The following GRIK2 variants were observed in gnomAD, a reference collection of about 807,000 sequenced individuals.
GRIK2 encodes glutamate receptor ionotropic, kainate 2.
GRIK2 carries 32 observed loss-of-function variants against 100.3 expected under a neutral mutation model. That is an observed-to-expected ratio of 0.32 (90% confidence interval 0.24 to 0.43). The LOEUF is 0.43. Ranked by LOEUF, GRIK2 falls within the 20% of genes least tolerant of loss-of-function variation. The pLI, the probability that GRIK2 is intolerant of heterozygous loss-of-function variation, is 1.00. For missense variants in GRIK2, 843 were observed against 1,114.9 expected, an observed-to-expected ratio of 0.76 and a Z score of 3.47; for synonymous variants, 417 against 389.4, an observed-to-expected ratio of 1.07 and a Z score of -0.83.
chr6:101,514,346 GA>G (rs1382121741), intron 2 of GRIK2, among the ~76,000 whole-genome samples: 1 of 152,088 alleles, frequency 6.6e-6, no homozygotes, highest in Non-Finnish European at 1.5e-5. Context: ...GACACACATG[GA>G]GTGGTTTTAA....
At chr6:102,004,925 A>G (rs991358046) in intron 14 of GRIK2, among the ~76,000 whole-genome samples, 1 of 151,528 alleles carries the variant, frequency 6.6e-6, no homozygotes, top group African/African-American at 2.4e-5. Context: ...TTTCCAGGAA[A>G]TTATTAAGAT....
intron 3 of GRIK2, among the ~76,000 whole-genome samples, chr6:101,623,314 A>G (rs1780257130): frequency 6.6e-6 from 1 of 152,112 alleles, no homozygotes; most frequent in African/African-American, 2.4e-5. Flanking sequence ...CTTTATGAAT[A>G]CAAATAAGTT....
Position 101,456,833 on chromosome 6 carries a change from CTTATT to C in GRIK2, c.115+57445_115+57449del, listed in dbSNP as rs568124852. ...ATTAAGAGTTTTAAATATTTTCAGA[CTTATT>C]TTAGTTAGGCAAGAAAAAGTATGAT... is the stretch of plus-strand genomic sequence containing the variant. On this transcript the variant is annotated intron_variant, in intron 2 of 16. Transcript: ENST00000369134. 2.2e-3 allele frequency among the ~76,000 whole-genome samples: 342 copies of C among 152,028 alleles called. 1 individual carries two copies. Among genetic ancestry groups the C allele is most frequent in the African/African-American group, 7.7e-3 (319 of 41,504 alleles).
intron 2 of GRIK2, among the ~76,000 whole-genome samples, chr6:101,575,708 C>T (rs1031295353): frequency 1.3e-5 from 2 of 151,946 alleles, no homozygotes; most frequent in Non-Finnish European, 2.9e-5. Context: ...AACCATTAAG[C>T]CTTAGCTTTA....
At chr6:101,884,508 T>C (rs1044588116) in intron 11 of GRIK2, among the ~76,000 whole-genome samples, 3 of 152,160 alleles carry the variant, frequency 2.0e-5, no homozygotes, top group African/African-American at 7.2e-5. Context: ...TTGGAGTCAT[T>C]GTGCCATTCA....
chr6:101,637,230 A>G (rs4112792), intron 4 of GRIK2, among the ~76,000 whole-genome samples: 1 of 152,114 alleles, frequency 6.6e-6, no homozygotes, highest in African/African-American at 2.4e-5. Context: ...TGTATGCTGT[A>G]GACTCACCAA....
intron 2 of GRIK2, among the ~76,000 whole-genome samples, chr6:101,451,695 A>AGG (rs66705609): frequency 0.013 from 1,567 of 124,898 alleles, 34 homozygotes; most frequent in Admixed American, 0.018. Context: ...TTTATCTCTG[A>AGG]GGGGGGGGGG....
chr6:101,595,216 G>A (rs139993685), intron 2 of GRIK2, among the ~76,000 whole-genome samples: 324 of 151,802 alleles, frequency 2.1e-3, no homozygotes, highest in Middle Eastern at 6.8e-3. Context: ...GGAAAACAGG[G>A]AGAGAAGAAA....
intron 7 of GRIK2, among the ~76,000 whole-genome samples, chr6:101,766,647 T>C (rs62419276): frequency 0.19 from 28,673 of 152,096 alleles, 3,487 homozygotes; most frequent in Non-Finnish European, 0.26. Flanking sequence ...CTGGGAGTGT[T>C]GTCCTCTGAA....
At chr6:102,016,139 T>C (rs1443735625) in intron 14 of GRIK2, among the ~76,000 whole-genome samples, 1 of 152,154 alleles carries the variant, frequency 6.6e-6, no homozygotes, top group Non-Finnish European at 1.5e-5. Flanking sequence ...ACAAGGATTC[T>C]TAACTGGGCT....
At chr6:101,564,835 A>G (rs1777177524) in intron 2 of GRIK2, among the ~76,000 whole-genome samples, 2 of 152,116 alleles carry the variant, frequency 1.3e-5, no homozygotes, top group South Asian at 4.1e-4. Context: ...GATTAAAGGA[A>G]CATGTGTATG....
At chr6:101,649,350 A>G (rs780690411) in intron 4 of GRIK2, among the ~76,000 whole-genome samples, 6 of 152,146 alleles carry the variant, frequency 3.9e-5, no homozygotes, top group Non-Finnish European at 5.9e-5. Flanking sequence ...AAGTTATGCA[A>G]CGTGCCCAAG....
At chr6:101,563,268 A>G (rs1777109826) in intron 2 of GRIK2, among the ~76,000 whole-genome samples, 1 of 152,214 alleles carries the variant, frequency 6.6e-6, no homozygotes. Context: ...AGTATCTTAT[A>G]ATGATAAATT....
At chr6:101,811,358 A>G (rs1781314800) in intron 9 of GRIK2, among the ~76,000 whole-genome samples, 1 of 151,962 alleles carries the variant, frequency 6.6e-6, no homozygotes, top group African/African-American at 2.4e-5. Context: ...TCTTTTTTAC[A>G]TTTTTACATT....
intron 14 of GRIK2, among the ~76,000 whole-genome samples, chr6:102,006,787 T>C (rs1795264918): frequency 6.6e-6 from 1 of 152,092 alleles, no homozygotes; most frequent in East Asian, 1.9e-4. Context: ...ATGAATTATA[T>C]ATTTGCAAGT....
chr6:101,886,702 T>C (rs1287972351), intron 11 of GRIK2, among the ~76,000 whole-genome samples: 1 of 152,018 alleles, frequency 6.6e-6, no homozygotes, highest in Non-Finnish European at 1.5e-5. Flanking sequence ...AATAGATCTC[T>C]TGAACCTATT....
chr6:101,539,782 T>C lies in GRIK2; in HGVS notation c.116-82167T>C, dbSNP rs546074329. On this transcript the variant is annotated intron_variant, in intron 2 of 16. Transcript: ENST00000369134. The stretch of plus-strand genomic sequence containing the variant: ...CATGAAAAAAATTTTGTTTTGGCTG[T>C]AGGATTTTTTTTTAATTTTAACATA... 2.0e-5 allele frequency among the ~76,000 whole-genome samples: 3 copies of C among 151,912 alleles called. No homozygotes were observed. The East Asian group carries it at 5.8e-4, about 29-fold the overall frequency.
intron 2 of GRIK2, among the ~76,000 whole-genome samples, chr6:101,474,294 T>C (rs1001698765): frequency 6.6e-6 from 1 of 151,880 alleles, no homozygotes; most frequent in African/African-American, 2.4e-5. Flanking sequence ...TCTTTACAGT[T>C]AGAAATGTCA....
intron 14 of GRIK2, among the ~76,000 whole-genome samples, chr6:101,963,471 T>G (rs1670001639): frequency 6.8e-6 from 1 of 147,582 alleles, no homozygotes; most frequent in Non-Finnish European, 1.5e-5. Context: ...CTGATTTTTC[T>G]TTTCCTTTCT....
Sources: gnomAD v4.1 joint callset for allele counts (sites outside exome capture counted in the v4.1 genomes callset) on GRCh38, gnomAD v4.1.1 for gene constraint, MANE v1.5 for transcripts, NCBI Gene and HGNC (gene_info 2026-07-23, HGNC 2026-07-21) for gene names.